SPEF2: variants seen among roughly 807,000 people sequenced by gnomAD.
SPEF2 encodes sperm flagellar and cilia associated 2, also known as sperm flagella and cilia-associated protein 2.
Under a neutral mutation model 224.6 loss-of-function variants are expected in SPEF2, and 187 were observed. That is an observed-to-expected ratio of 0.83 (90% CI 0.74 to 0.94). SPEF2 has a LOEUF of 0.94. Ranked by LOEUF, SPEF2 falls within the 40% of genes least tolerant of loss-of-function variation. SPEF2 has a pLI of 0.00. For missense variants in SPEF2, 2,170 were observed against 2,135.6 expected (o/e 1.02, Z -0.32); for synonymous variants, 715 against 707.3 (o/e 1.01, Z -0.17).
intron 7 of SPEF2, among the ~76,000 whole-genome samples, chr5:35,656,674 G>T (rs1748994494): frequency 6.6e-6 from 1 of 152,114 alleles, no homozygotes; most frequent in African/African-American, 2.4e-5. Flanking sequence ...TGGAATAAAT[G>T]AATTCTTTCT....
intron 14 of SPEF2, among the ~76,000 whole-genome samples, chr5:35,697,077 G>A (rs1755440987): frequency 6.6e-6 from 1 of 152,184 alleles, no homozygotes; most frequent in Non-Finnish European, 1.5e-5. Context: ...GCAGGGTTTG[G>A]AATAGAGCCA....
intron 16 of SPEF2, among the ~76,000 whole-genome samples, chr5:35,702,962 G>A (rs1167044667): frequency 3.3e-5 from 5 of 152,046 alleles, no homozygotes; most frequent in African/African-American, 4.8e-5. Context: ...TGGAGGGTGG[G>A]AGAGAGAAGG....
chr5:35,777,385 T>A (rs1266814357), intron 29 of SPEF2, among the ~76,000 whole-genome samples: 1 of 152,088 alleles, frequency 6.6e-6, no homozygotes, highest in African/African-American at 2.4e-5. Flanking sequence ...GCAGTAATGC[T>A]TAAAATCATT....
rs117331971 is a variant in SPEF2 at position 35,790,304 on chromosome 5, G to A, written c.4448-2036G>A. 2.7e-3 allele frequency: 1,606 copies of A among 596,448 alleles called. 36 individuals are homozygous for A. In the East Asian group the frequency reaches 0.032, roughly 12 times the overall value. 36.9% of individuals were successfully genotyped at this position (596,448 alleles called of 1,614,324 possible). ...TCCATTTATGGAATGCAAGAACACC[G>A]TCTTCAACTGGTGACACAAGATCTA... On this transcript the variant is annotated intron_variant, in intron 30 of 36. Coordinates refer to ENST00000356031, the MANE Select transcript of SPEF2 (RefSeq NM_024867.4).
At chr5:35,635,022 T>C (rs1408946290) in intron 2 of SPEF2, among the ~76,000 whole-genome samples, 3 of 152,102 alleles carry the variant, frequency 2.0e-5, no homozygotes, top group African/African-American at 7.2e-5. Context: ...TTTTGAAGAA[T>C]ACTAGCGAAG....
intron 33 of SPEF2, among the ~76,000 whole-genome samples, chr5:35,796,142 G>T (rs1261379452): frequency 6.6e-6 from 1 of 152,142 alleles, no homozygotes; most frequent in Non-Finnish European, 1.5e-5. Flanking sequence ...GATAAAATTT[G>T]TCATTTTACC....
At chr5:35,769,492 G>A (rs1468934353) in intron 26 of SPEF2, among the ~76,000 whole-genome samples, 1 of 152,136 alleles carries the variant, frequency 6.6e-6, no homozygotes, top group South Asian at 2.1e-4. Flanking sequence ...AGATTCTATT[G>A]ATATTGAAGA....
rs1041248623 is a variant in SPEF2 at position 35,727,711 on chromosome 5, C to T, written c.2951C>T (p.Pro984Leu). The T allele has an allele frequency of 1.2e-6, 2 of 1,613,574 alleles. No homozygotes were observed. Among genetic ancestry groups the T allele is most frequent in the African/African-American group, 2.7e-5 (2 of 74,972 alleles). The change falls in exon 21 of 37, where the codon CCA becomes CTA. Residue 984 changes from proline (P) to leucine (L), a missense_variant. By Grantham distance (98) the Pro-to-Leu change is moderately conservative (BLOSUM62 -3). Transcript: ENST00000356031. ...GGAAAATCATCAGGAGGAAAAGTAC[C>T]AGTAAAGAAATCACCTGCTGACTCT... ...PKGKSSGGKV[P>L]VKKSPADSTD...
chr5:35,679,451 A>G (rs977987181), intron 10 of SPEF2, among the ~76,000 whole-genome samples: 2 of 152,186 alleles, frequency 1.3e-5, no homozygotes, highest in Non-Finnish European at 2.9e-5. Flanking sequence ...CAGAACTGCA[A>G]CAGAACAGGA....
intron 2 of SPEF2, among the ~76,000 whole-genome samples, chr5:35,629,632 A>G (rs1744803128): frequency 6.6e-6 from 1 of 152,202 alleles, no homozygotes; most frequent in South Asian, 2.1e-4. Flanking sequence ...ACAATTCACC[A>G]TTTTAAAGCA....
chr5:35,659,792 G>T (rs896776300), intron 8 of SPEF2, among the ~76,000 whole-genome samples: 1 of 150,792 alleles, frequency 6.6e-6, no homozygotes. Context: ...GTAGGCATTG[G>T]TATTGGTTAT....
At chr5:35,754,160 T>C (rs1220187584) in intron 24 of SPEF2, among the ~76,000 whole-genome samples, 1 of 152,156 alleles carries the variant, frequency 6.6e-6, no homozygotes. Context: ...GGCAGACATT[T>C]GATTCCTGAA....
intron 36 of SPEF2, among the ~76,000 whole-genome samples, chr5:35,808,881 CAT>C (rs34389759): frequency 7.3e-4 from 104 of 143,138 alleles, no homozygotes; most frequent in Middle Eastern, 3.7e-3. Context: ...TTGGGTTTTA[CAT>C]ATATATATAT....
intron 2 of SPEF2, among the ~76,000 whole-genome samples, chr5:35,638,625 CCCTTT>C (rs1250872059): frequency 1.3e-5 from 2 of 152,038 alleles, no homozygotes; most frequent in African/African-American, 4.8e-5. Context: ...CTTTGGACAT[CCCTTT>C]CCTTATTACA....
chr5:35,676,122 G>A, intron 10 of SPEF2: 1 of 421,176 alleles, frequency 2.4e-6, no homozygotes, highest in South Asian at 1.7e-5. Context: ...ATGTGAGAAG[G>A]ACAAAGCCAA....
At chr5:35,688,162 C>CA (rs1753927761) in intron 10 of SPEF2, among the ~76,000 whole-genome samples, 1 of 152,180 alleles carries the variant, frequency 6.6e-6, no homozygotes, top group Admixed American at 6.5e-5. Flanking sequence ...GCACTAGCAG[C>CA]AGTTCAGGTT....
At chr5:35,789,162 G>A (rs1411823093) in intron 30 of SPEF2, 3 of 702,984 alleles carry the variant, frequency 4.3e-6, no homozygotes, top group Non-Finnish European at 5.2e-6. Context: ...TTACAGGCAG[G>A]CAGAGGCAAA....
intron 29 of SPEF2, among the ~76,000 whole-genome samples, chr5:35,778,305 AC>A (rs1377693698): frequency 6.6e-6 from 1 of 152,084 alleles, no homozygotes; most frequent in Non-Finnish European, 1.5e-5. Context: ...CATTAACTAT[AC>A]CCCCAGTACA....
In SPEF2 at chr5:35,659,136, A is replaced by T. The variant is rs376180649; in HGVS notation, c.1096A>T (p.Arg366Ter). The change falls in exon 8 of 37, where the codon AGA becomes TGA. Residue 366 changes from arginine to a stop codon, truncating the protein, a stop_gained. Coordinates refer to ENST00000356031, the MANE Select transcript of SPEF2 (RefSeq NM_024867.4). LOFTEE classifies it high-confidence loss of function. ...RHEKEVLWQNRIFREKQHEER... is the reference protein window; with the variant it reads ...RHEKEVLWQN The stretch of plus-strand genomic sequence containing the variant: ...TGAAAAGGAAGTTTTATGGCAAAAC[A>T]GAATTTTCAGAGAAAAACAACATGA... 6 of 1,613,462 alleles carry T rather than the reference A, an allele frequency of 3.7e-6. No homozygotes were observed. The highest frequency in any genetic ancestry group is 5.1e-6 in the Non-Finnish European group (6 of 1,179,682).
Sources: gnomAD v4.1 joint callset for allele counts (sites outside exome capture counted in the v4.1 genomes callset) on GRCh38, gnomAD v4.1.1 for gene constraint, MANE v1.5 for transcripts, NCBI Gene and HGNC (gene_info 2026-07-23, HGNC 2026-07-21) for gene names.